Variants in KDM4C observed in about 807,000 individuals in gnomAD.
The protein encoded by KDM4C is lysine-specific demethylase 4C.
KDM4C carries 81 observed loss-of-function variants against 129.3 expected under a neutral mutation model. The ratio of observed to expected loss-of-function variants is 0.63; its 90% CI spans 0.52 to 0.75. KDM4C has a LOEUF of 0.75. Among genes scored for constraint, KDM4C ranks in the 30% least tolerant of loss-of-function variants. The probability of loss-of-function intolerance (pLI) is 0.00; values close to 1 mark genes in which losing one functional copy is unlikely to be tolerated. For synonymous variants in KDM4C, 573 were observed against 456.1 expected, an observed-to-expected ratio of 1.26 and a Z score of -3.26; for missense variants, 1,457 against 1,304.0, an observed-to-expected ratio of 1.12 and a Z score of -1.81.
chr9:7,003,384 G>A (rs1821085668), intron 12 of KDM4C, among the ~76,000 whole-genome samples: 1 of 150,786 alleles, frequency 6.6e-6, no homozygotes, highest in African/African-American at 2.4e-5. Context: ...TAATGCCATA[G>A]TTCCTGGTGA....
At chr9:6,969,552 T>C (rs983774713) in intron 8 of KDM4C, among the ~76,000 whole-genome samples, 3 of 152,218 alleles carry the variant, frequency 2.0e-5, no homozygotes, top group Admixed American at 2.0e-4. Flanking sequence ...GATTGTCTTA[T>C]TCGTTTAACT....
intron 17 of KDM4C, among the ~76,000 whole-genome samples, chr9:7,089,908 T>C (rs970572588): frequency 1.1e-4 from 17 of 152,346 alleles, no homozygotes; most frequent in African/African-American, 3.8e-4. Flanking sequence ...TGAATGGCCG[T>C]CAGCTGGGTT....
intron 12 of KDM4C, among the ~76,000 whole-genome samples, chr9:6,993,030 C>T (rs1284152316): frequency 2.6e-5 from 4 of 152,090 alleles, no homozygotes; most frequent in African/African-American, 7.2e-5. Context: ...CTCTTTGATA[C>T]CCAAATAACC....
At chr9:6,819,003 A>AGCT (rs2131193090) in intron 4 of KDM4C, 1 of 152,262 alleles carries the variant, frequency 6.6e-6, no homozygotes, top group South Asian at 2.1e-4. Flanking sequence ...AAGAAGGTTG[A>AGCT]GCTGATGGGT....
At chr9:6,925,206 A>G in intron 8 of KDM4C, 1 of 985,406 alleles carries the variant, frequency 1.0e-6, no homozygotes, top group Non-Finnish European at 1.2e-6. Context: ...TGTTGGCGAT[A>G]CAGCTCATGT....
chr9:6,753,083 G>A (rs1320249891), upstream of KDM4C, among the ~76,000 whole-genome samples: 1 of 152,162 alleles, frequency 6.6e-6, no homozygotes, highest in East Asian at 1.9e-4. Flanking sequence ...AGTATCTCAA[G>A]AAGTTCCTCT....
At chr9:7,059,102 A>G (rs1288465802) in intron 17 of KDM4C, among the ~76,000 whole-genome samples, 1 of 152,194 alleles carries the variant, frequency 6.6e-6, no homozygotes, top group Non-Finnish European at 1.5e-5. Context: ...TTTGTAATAA[A>G]ATGTGCCAAC....
At chr9:6,778,333 TC>T (rs1245740760) in intron 1 of KDM4C, among the ~76,000 whole-genome samples, 1 of 150,796 alleles carries the variant, frequency 6.6e-6, no homozygotes, top group Non-Finnish European at 1.5e-5. Context: ...TAGGTGATCC[TC>T]CCGCTTGGGC....
intron 1 of KDM4C, among the ~76,000 whole-genome samples, chr9:6,782,562 A>G (rs1423868128): frequency 6.6e-6 from 1 of 152,064 alleles, no homozygotes; most frequent in African/African-American, 2.4e-5. Flanking sequence ...AACGGCGTAC[A>G]CGTGACACAT....
At chr9:7,034,040 T>A (rs2132396155) in intron 15 of KDM4C, among the ~76,000 whole-genome samples, 1 of 152,098 alleles carries the variant, frequency 6.6e-6, no homozygotes, top group Admixed American at 6.5e-5. Flanking sequence ...TGGTGGGGCA[T>A]CAGTTGGTCT....
chr9:6,927,089 T>TTCTATCA (rs1822722189), intron 8 of KDM4C, among the ~76,000 whole-genome samples: 1 of 145,086 alleles, frequency 6.9e-6, no homozygotes, highest in East Asian at 2.0e-4. Flanking sequence ...AAAAAAAATT[T>TTCTATCA]TCTATCTATC....
intron 8 of KDM4C, among the ~76,000 whole-genome samples, chr9:6,975,744 T>G (rs1832809129): frequency 6.6e-6 from 1 of 152,150 alleles, no homozygotes; most frequent in Non-Finnish European, 1.5e-5. Flanking sequence ...TCATTAAAAT[T>G]AGAATAAGAA....
intron 15 of KDM4C, among the ~76,000 whole-genome samples, chr9:7,041,791 G>T (rs374001553): frequency 3.9e-5 from 6 of 151,988 alleles, no homozygotes; most frequent in East Asian, 3.9e-4. Context: ...TTTCCCTTCT[G>T]CAGGGTCTGT....
At chr9:6,863,710 G>A (rs1841404502) in intron 5 of KDM4C, among the ~76,000 whole-genome samples, 1 of 151,438 alleles carries the variant, frequency 6.6e-6, no homozygotes, top group Non-Finnish European at 1.5e-5. Context: ...CAGGAGAATG[G>A]CGTGAACCTG....
At chr9:6,966,377 T>TCTCTAC (rs1830974313) in intron 8 of KDM4C, among the ~76,000 whole-genome samples, 1 of 152,098 alleles carries the variant, frequency 6.6e-6, no homozygotes, top group Non-Finnish European at 1.5e-5. Flanking sequence ...AGAGACGGGG[T>TCTCTAC]TTCACTGTGG....
chr9:7,160,211 T>C (rs1255447430), intron 19 of KDM4C, among the ~76,000 whole-genome samples: 2 of 152,182 alleles, frequency 1.3e-5, no homozygotes, highest in South Asian at 2.1e-4. Context: ...CCACACTGTT[T>C]ATTCTAGTTA....
intron 19 of KDM4C, among the ~76,000 whole-genome samples, chr9:7,136,852 A>T (rs1302772783): frequency 6.6e-6 from 1 of 152,202 alleles, no homozygotes; most frequent in Non-Finnish European, 1.5e-5. Flanking sequence ...CTTTTTCTTA[A>T]TGGATCATGT....
chr9:6,939,072 A>G (rs1589213355), intron 8 of KDM4C, among the ~76,000 whole-genome samples: 2 of 151,588 alleles, frequency 1.3e-5, no homozygotes, highest in Non-Finnish European at 2.9e-5. Flanking sequence ...TGTGTGGCCC[A>G]GTTCCTAACA....
At chr9:7,017,545 A>T (rs572405244) in intron 15 of KDM4C, among the ~76,000 whole-genome samples, 14 of 152,154 alleles carry the variant, frequency 9.2e-5, no homozygotes, top group Non-Finnish European at 2.1e-4. Context: ...TTCCATTCTA[A>T]CAATCTATGT....
Sources: gnomAD v4.1 joint callset for allele counts (sites outside exome capture counted in the v4.1 genomes callset) on GRCh38, gnomAD v4.1.1 for gene constraint, MANE v1.5 for transcripts, NCBI Gene and HGNC (gene_info 2026-07-23, HGNC 2026-07-21) for gene names.